Variants in WDFY2 observed in about 807,000 individuals in gnomAD.
WDFY2 encodes WD repeat and FYVE domain containing 2.
A neutral mutation model predicts 56.4 loss-of-function variants in WDFY2; 36 were observed. The observed-to-expected ratio is 0.64, with a 90% confidence interval of 0.49 to 0.84. The LOEUF is 0.84. WDFY2 is among the 40% of genes least tolerant of loss of function. WDFY2 has a pLI of 0.00. For missense variants in WDFY2, 444 were observed against 512.2 expected, an observed-to-expected ratio of 0.87 and a Z score of 1.29; for synonymous variants, 176 against 183.7, an observed-to-expected ratio of 0.96 and a Z score of 0.34.
intron 5 of WDFY2, among the ~76,000 whole-genome samples, chr13:51,724,231 CTTTTTTTTTTT>C (rs529903671): frequency 2.8e-5 from 3 of 108,016 alleles, no homozygotes; most frequent in Non-Finnish European, 3.7e-5. Flanking sequence ...TCTTTTTTAA[CTTTTTTTTTTT>C]TTTTTTTTTT....
intron 3 of WDFY2, among the ~76,000 whole-genome samples, chr13:51,696,362 T>C (rs2138564993): frequency 6.6e-6 from 1 of 152,366 alleles, no homozygotes; most frequent in African/African-American, 2.4e-5. Flanking sequence ...TTTTCTTTTT[T>C]GCTATTAAAA....
intron 1 of WDFY2, among the ~76,000 whole-genome samples, chr13:51,623,930 A>G (rs1954791464): frequency 6.6e-6 from 1 of 151,912 alleles, no homozygotes; most frequent in South Asian, 2.1e-4. Flanking sequence ...CCTGCACACC[A>G]AGCTTTTAAA....
intron 2 of WDFY2, among the ~76,000 whole-genome samples, chr13:51,663,515 C>T (rs953010756): frequency 4.6e-5 from 7 of 152,070 alleles, no homozygotes; most frequent in Non-Finnish European, 7.4e-5. Context: ...ATCTTCATCA[C>T]AATTGGTTAG....
chr13:51,756,307 T>C, intron 9 of WDFY2, 25 bp from the exon 10 acceptor site: 2 of 1,604,436 alleles, frequency 1.2e-6, no homozygotes, highest in Non-Finnish European at 1.7e-6. Flanking sequence ...CCGTGATGAG[T>C]ATCTATTTTA....
In WDFY2 at chr13:51,730,283, G is replaced by C. The variant is rs1952694185; in HGVS notation, c.598+2493G>C. Reference sequence around the variant, plus strand: ...GAAACTGCTGTCCCCGAGGTGACCAGTGGCCTGCTGGGACACGTTGTAAAC... The same window carrying C: ...GAAACTGCTGTCCCCGAGGTGACCACTGGCCTGCTGGGACACGTTGTAAAC... On this transcript the variant is annotated intron_variant, in intron 6 of 11. Coordinates refer to ENST00000298125, the MANE Select transcript of WDFY2 (RefSeq NM_052950.4). 4.6e-5 allele frequency among the ~76,000 whole-genome samples: 7 copies of C among 152,344 alleles called. No homozygotes were observed. In the South Asian group the frequency reaches 1.4e-3, roughly 32 times the overall value.
intron 2 of WDFY2, among the ~76,000 whole-genome samples, chr13:51,666,084 C>T (rs955206827): frequency 1.9e-4 from 29 of 152,278 alleles, no homozygotes; most frequent in African/African-American, 7.0e-4. Flanking sequence ...TATAGGAACT[C>T]AAGTCCTCTC....
rs1952636316 is a variant in WDFY2, at chr13:51,727,767, T to C, written c.575T>C (p.Val192Ala). 6.2e-7 allele frequency: 1 copy of C among 1,614,158 alleles called. No individual in the cohort carries two copies. Among genetic ancestry groups the C allele is most frequent in the Non-Finnish European group, 8.5e-7 (1 of 1,180,016 alleles). The change falls in exon 6 of 12, where the codon GTC becomes GCC. Residue 192 changes from valine to alanine, a missense_variant. By Grantham distance (64) the Val-to-Ala change is moderately conservative. Coordinates refer to ENST00000298125, the MANE Select transcript of WDFY2 (RefSeq NM_052950.4). ...CTGGAGCAAGAAAACTGCACCCTGG[T>C]CACAACATTCAGAGGACACACAGGT... ...LKLEQENCTL[V>A]TTFRGHTGGV...
At chr13:51,671,343 G>T (rs1192106531) in intron 2 of WDFY2, among the ~76,000 whole-genome samples, 2 of 152,122 alleles carry the variant, frequency 1.3e-5, no homozygotes, top group African/African-American at 2.4e-5. Context: ...CAGCGCAGAG[G>T]TGTTCCCTTT....
intron 3 of WDFY2, among the ~76,000 whole-genome samples, chr13:51,692,070 T>C (rs1956171907): frequency 1.3e-5 from 2 of 152,342 alleles, no homozygotes; most frequent in South Asian, 4.1e-4. Context: ...CTGAAGTTGC[T>C]TATCAGCTTA....
intron 1 of WDFY2, among the ~76,000 whole-genome samples, chr13:51,656,003 T>C (rs1163340421): frequency 6.6e-6 from 1 of 151,924 alleles, no homozygotes; most frequent in African/African-American, 2.4e-5. Flanking sequence ...TTACTTTTGC[T>C]GATCTTTTCA....
chr13:51,730,315 G>C (rs755917134), intron 6 of WDFY2, among the ~76,000 whole-genome samples: 1 of 152,154 alleles, frequency 6.6e-6, no homozygotes, highest in South Asian at 2.1e-4. Flanking sequence ...AAACCTTGTC[G>C]TACTTAACTT....
At chr13:51,654,516 G>C (rs1239689416) in intron 1 of WDFY2, among the ~76,000 whole-genome samples, 5 of 152,160 alleles carry the variant, frequency 3.3e-5, no homozygotes, top group Non-Finnish European at 7.3e-5. Flanking sequence ...CTGTAGACTG[G>C]AGCTGTTCCT....
intron 1 of WDFY2, among the ~76,000 whole-genome samples, chr13:51,634,992 G>A (rs1384988215): frequency 4.6e-5 from 7 of 152,094 alleles, no homozygotes; most frequent in Non-Finnish European, 1.0e-4. Flanking sequence ...AGGCTGGAGT[G>A]CAGTGGCACC....
At chr13:51,756,586 G>C in intron 10 of WDFY2, 124 bp downstream of exon 10, 1 of 1,402,924 alleles carries the variant, frequency 7.1e-7, no homozygotes, top group Non-Finnish European at 9.3e-7. Context: ...TATAGTCCAC[G>C]GCAAGCAGTA....
At chr13:51,604,245 A>T (rs1446098867) in intron 1 of WDFY2, among the ~76,000 whole-genome samples, 2 of 152,204 alleles carry the variant, frequency 1.3e-5, no homozygotes, top group Admixed American at 6.5e-5. Context: ...AAGGTTTCCA[A>T]CTAGAAAAGA....
chr13:51,711,767 G>A (rs546152858), intron 4 of WDFY2, among the ~76,000 whole-genome samples: 223 of 152,228 alleles, frequency 1.5e-3, no homozygotes, highest in African/African-American at 5.0e-3. Context: ...TTAGAATGGC[G>A]ATCATTAAAA....
At chr13:51,695,339 G>A (rs1237173177) in intron 3 of WDFY2, among the ~76,000 whole-genome samples, 17 of 152,256 alleles carry the variant, frequency 1.1e-4, no homozygotes, top group Non-Finnish European at 2.1e-4. Context: ...TTTGATGATG[G>A]TGATGTACAG....
intron 1 of WDFY2, among the ~76,000 whole-genome samples, chr13:51,632,607 T>C (rs1386681700): frequency 5.9e-5 from 9 of 152,228 alleles, no homozygotes; most frequent in Non-Finnish European, 1.2e-4. Flanking sequence ...TTTTGCTTTT[T>C]ACTTTCATTT....
rs1952781313 is a variant in WDFY2 at position 51,734,025 on chromosome 13, G to A, written c.599-5024G>A. 2.0e-5 allele frequency among the ~76,000 whole-genome samples: 3 copies of A among 152,110 alleles called. No homozygotes were observed. In the South Asian group the frequency reaches 6.2e-4, roughly 32 times the overall value. ...CTAGAGCAAAATGCAGCAATCAAAA[G>A]GTCAGATATTTTATTCAACAGGCTC... On this transcript the variant is annotated intron_variant, in intron 6 of 11. Transcript: ENST00000298125.
Sources: allele counts gnomAD v4.1 joint callset (sites outside exome capture counted in the v4.1 genomes callset), GRCh38; gene constraint gnomAD v4.1.1; transcripts MANE v1.5; gene names NCBI Gene and HGNC (gene_info 2026-07-23, HGNC 2026-07-21).